FGD5: variants seen among roughly 807,000 people sequenced by gnomAD.
FGD5 encodes FYVE, RhoGEF and PH domain-containing protein 5.
Under a neutral mutation model 133.4 loss-of-function variants are expected in FGD5, and 28 were observed. The observed-to-expected ratio is 0.21, with a 90% CI of 0.16 to 0.29. The LOEUF is 0.29. FGD5 is among the 10% of genes least tolerant of loss of function. The pLI is 1.00. For missense variants in FGD5, 1,858 were observed against 1,895.2 expected (o/e 0.98, Z 0.36); for synonymous variants, 810 against 776.5 (o/e 1.04, Z -0.72).
At chr3:14,864,029 T>G in intron 1 of FGD5, 99 bp from the exon 2 acceptor site, 1 of 1,523,506 alleles carries the variant, frequency 6.6e-7, no homozygotes, top group South Asian at 1.2e-5. Context: ...TCTTACTACT[T>G]GTTTTCTGTC....
intron 9 of FGD5, among the ~76,000 whole-genome samples, chr3:14,901,876 G>A (rs116618666): frequency 0.015 from 2,265 of 152,286 alleles, 25 homozygotes; most frequent in Non-Finnish European, 0.022. Flanking sequence ...GGAAACCTCC[G>A]CTTAGTGGAG....
intron 9 of FGD5, among the ~76,000 whole-genome samples, chr3:14,905,878 A>G (rs1295496226): frequency 6.6e-6 from 1 of 152,074 alleles, no homozygotes; most frequent in Non-Finnish European, 1.5e-5. Context: ...TATGTGTAGA[A>G]GCACTGTAGA....
chr3:14,851,241 A>G (rs1364299446), intron 1 of FGD5, among the ~76,000 whole-genome samples: 1 of 152,200 alleles, frequency 6.6e-6, no homozygotes, highest in Non-Finnish European at 1.5e-5. Flanking sequence ...TCATTTACAG[A>G]TGTCATCTCA....
chr3:14,861,877 G>A (rs1354347515), intron 1 of FGD5, among the ~76,000 whole-genome samples: 1 of 152,176 alleles, frequency 6.6e-6, no homozygotes, highest in Admixed American at 6.5e-5. Flanking sequence ...TAAGCCAGGG[G>A]ACAGCATGAT....
At chr3:14,895,574 T>C (rs2038120377) in intron 4 of FGD5, among the ~76,000 whole-genome samples, 1 of 152,092 alleles carries the variant, frequency 6.6e-6, no homozygotes, top group Non-Finnish European at 1.5e-5. Flanking sequence ...GTTTTGTTTT[T>C]TTGTTTGTTT....
chr3:14,852,709 TAGTG>T (rs1387367631), intron 1 of FGD5, among the ~76,000 whole-genome samples: 1 of 152,176 alleles, frequency 6.6e-6, no homozygotes, highest in African/African-American at 2.4e-5. Context: ...TGTTTTTACT[TAGTG>T]AGAAATGGAA....
Position 14,812,072 on chromosome 3 carries a change from TC to T in FGD5, c.13+1208del, listed in dbSNP as rs573646895. On this transcript the variant is annotated intron_variant, in intron 1 of 1. Coordinates refer to the FGD5 transcript ENST00000640506. Reference sequence around the variant, plus strand: ...TGTGTAGGATTTTTTCTTTTAAAAATCTTTTTAATGAAAAAAAGTCATTGTT... The same window carrying T: ...TGTGTAGGATTTTTTCTTTTAAAAATTTTTTAATGAAAAAAAGTCATTGTT... Among the ~76,000 whole-genome samples, 23 of 151,956 alleles carry T rather than the reference TC, an allele frequency of 1.5e-4. No individual in the cohort carries two copies. The South Asian group carries it at 4.8e-3, about 32-fold the overall frequency.
intron 4 of FGD5, 45 bp from the exon 5 acceptor site, chr3:14,897,464 C>T (rs561668642): frequency 1.3e-6 from 2 of 1,572,938 alleles, no homozygotes; most frequent in Admixed American, 1.9e-5. Context: ...AGGACTTGTG[C>T]TCAGTCCTAT....
intron 1 of FGD5, among the ~76,000 whole-genome samples, chr3:14,833,522 G>A (rs1253702163): frequency 6.6e-6 from 1 of 152,172 alleles, no homozygotes; most frequent in Admixed American, 6.5e-5. Flanking sequence ...AAGGTAGTGA[G>A]CTCCCCATCA....
chr3:14,870,790 C>T lies in FGD5; in HGVS notation c.2658+6530C>T, dbSNP rs565625089. Among the ~76,000 whole-genome samples, 128 of 152,260 alleles carry T rather than the reference C, an allele frequency of 8.4e-4. 1 individual carries two copies. Among genetic ancestry groups the T allele is most frequent in the Non-Finnish European group, 2.6e-4 (18 of 68,016 alleles). The stretch of plus-strand genomic sequence containing the variant: ...AGCCCCATAGATGCTTCAAACTCAA[C>T]ACATCCCATACCAAGCTCATCCTCT... On this transcript the variant is annotated intron_variant, in intron 2 of 19. Coordinates refer to ENST00000285046, the MANE Select transcript of FGD5 (RefSeq NM_152536.4).
chr3:14,898,671 C>A, intron 6 of FGD5, 68 bp from the exon 7 acceptor site: 3 of 1,298,486 alleles, frequency 2.3e-6, no homozygotes, highest in Non-Finnish European at 3.3e-6. Flanking sequence ...TGTATATGGG[C>A]TGCTGTGAGC....
intron 2 of FGD5, among the ~76,000 whole-genome samples, chr3:14,874,031 C>G (rs2037667797): frequency 6.6e-6 from 1 of 152,168 alleles, no homozygotes; most frequent in African/African-American, 2.4e-5. Context: ...CAGACCTACA[C>G]TCTTAATGCC....
intron 1 of FGD5, among the ~76,000 whole-genome samples, chr3:14,847,622 G>C (rs2037074862): frequency 6.6e-6 from 1 of 152,222 alleles, no homozygotes; most frequent in Non-Finnish European, 1.5e-5. Context: ...GGTCTGTACT[G>C]TTACTATCCC....
Position 14,825,424 on chromosome 3 carries a change from G to A in FGD5, c.2525+3828G>A, listed in dbSNP as rs546244006. On this transcript the variant is annotated intron_variant, in intron 1 of 19. Coordinates refer to ENST00000285046, the MANE Select transcript of FGD5 (RefSeq NM_152536.4). Reference sequence around the variant, plus strand: ...GTTTGAGACCAGCCTAGACAACATAGTGAGACTCCCATCTCTACATATACA... The same window carrying A: ...GTTTGAGACCAGCCTAGACAACATAATGAGACTCCCATCTCTACATATACA... Among the ~76,000 whole-genome samples the A allele has an allele frequency of 3.3e-5, 5 of 152,086 alleles. No homozygotes were observed. The South Asian group carries it at 1.0e-3, about 32-fold the overall frequency.
upstream of FGD5, chr3:14,818,866 T>C (rs6770036): frequency 1.0e-2 from 13,402 of 1,345,262 alleles, 1,080 homozygotes; most frequent in African/African-American, 0.17. Context: ...GAACCATCTG[T>C]GGCGTCCCCT....
intron 1 of FGD5, among the ~76,000 whole-genome samples, chr3:14,825,730 G>A (rs2036587467): frequency 6.6e-6 from 1 of 152,050 alleles, no homozygotes; most frequent in African/African-American, 2.4e-5. Flanking sequence ...AAAGTTTTCA[G>A]CAGAGATCTA....
At chr3:14,907,617 C>G (rs193210510) in intron 9 of FGD5, 23 bp from the exon 10 acceptor site, 1 of 1,611,514 alleles carries the variant, frequency 6.2e-7, no homozygotes, top group South Asian at 1.1e-5. Context: ...ACCATCTCTC[C>G]CTCACCCCAT....
At chr3:14,876,574 G>GA (rs1281095169) in intron 2 of FGD5, among the ~76,000 whole-genome samples, 4 of 151,968 alleles carry the variant, frequency 2.6e-5, no homozygotes, top group Non-Finnish European at 4.4e-5. Flanking sequence ...AAACAATCAA[G>GA]AAAAAACAAA....
chr3:14,855,443 A>G (rs910668952), intron 1 of FGD5, among the ~76,000 whole-genome samples: 3 of 152,216 alleles, frequency 2.0e-5, no homozygotes, highest in Admixed American at 6.5e-5. Context: ...ATTGTTCTCC[A>G]TAGTGGCTCT....
Sources: allele counts gnomAD v4.1 joint callset (sites outside exome capture counted in the v4.1 genomes callset), GRCh38; gene constraint gnomAD v4.1.1; transcripts MANE v1.5; gene names NCBI Gene and HGNC (gene_info 2026-07-23, HGNC 2026-07-21).